Variants in LOC128706665 observed in about 807,000 individuals in gnomAD.
chr20:10,427,980 G>A, the LOC128706665 span, among the ~76,000 whole-genome samples: 10 of 152,192 alleles, frequency 6.6e-5, no homozygotes, highest in Non-Finnish European at 1.3e-4. Flanking sequence ...ACAGGTATGC[G>A]TAAGTATCTT....
chr20:10,414,415 G>A, the LOC128706665 span, among the ~76,000 whole-genome samples: 93 of 152,066 alleles, frequency 6.1e-4, no homozygotes, highest in African/African-American at 2.1e-3. Context: ...ACAGGCATGC[G>A]CCACCATGCC....
the LOC128706665 span, among the ~76,000 whole-genome samples, chr20:10,426,486 G>A: frequency 2.1e-4 from 32 of 152,124 alleles, no homozygotes; most frequent in South Asian, 1.5e-3. Flanking sequence ...GCTCACCTCC[G>A]CATGCCAGAT....
At chr20:10,432,210 A>C in the LOC128706665 span, among the ~76,000 whole-genome samples, 1 of 152,224 alleles carries the variant, frequency 6.6e-6, no homozygotes, top group African/African-American at 2.4e-5. Context: ...CCAGCACTAG[A>C]GTTCCTGTGG....
chr20:10,427,216 A>T, the LOC128706665 span, among the ~76,000 whole-genome samples: 4 of 152,250 alleles, frequency 2.6e-5, no homozygotes, highest in African/African-American at 4.8e-5. Context: ...CTGCAAAATT[A>T]GGCCTAAAAT....
the LOC128706665 span, among the ~76,000 whole-genome samples, chr20:10,425,352 G>C: frequency 6.6e-6 from 1 of 152,132 alleles, no homozygotes; most frequent in African/African-American, 2.4e-5. Context: ...ATGCTTTATT[G>C]CAAAATATGC....
chr20:10,414,022 C>T, the LOC128706665 span: 6 of 388,076 alleles, frequency 1.5e-5, no homozygotes, highest in African/African-American at 1.2e-4. Flanking sequence ...GCTCTGCTGC[C>T]TTTTTAGAAA....
the LOC128706665 span, among the ~76,000 whole-genome samples, chr20:10,417,320 A>G: frequency 6.6e-6 from 1 of 152,006 alleles, no homozygotes. Context: ...TGTTAATCTT[A>G]GCAACACTGG....
chr20:10,427,494 C>T, the LOC128706665 span, among the ~76,000 whole-genome samples: 22 of 152,110 alleles, frequency 1.4e-4, no homozygotes, highest in Non-Finnish European at 1.6e-4. Flanking sequence ...TGTACTATGC[C>T]TTTTCTTTTA....
At chr20:10,424,399 G>GA in the LOC128706665 span, among the ~76,000 whole-genome samples, 41 of 151,840 alleles carry the variant, frequency 2.7e-4, no homozygotes, top group Admixed American at 4.6e-4. Flanking sequence ...TATTTTAAAA[G>GA]AAAAAACATA....
the LOC128706665 span, among the ~76,000 whole-genome samples, chr20:10,424,478 T>A: frequency 6.6e-6 from 1 of 152,116 alleles, no homozygotes; most frequent in Non-Finnish European, 1.5e-5. Flanking sequence ...TAGTGAAAAA[T>A]CTCCAGTACA....
the LOC128706665 span, among the ~76,000 whole-genome samples, chr20:10,423,823 T>G: frequency 6.6e-6 from 1 of 152,254 alleles, no homozygotes. Flanking sequence ...GTATCTATTT[T>G]AACTGAAAAC....
chr20:10,434,113 C>T, the LOC128706665 span: 1 of 152,584 alleles, frequency 6.6e-6, no homozygotes, highest in Non-Finnish European at 1.5e-5. Flanking sequence ...CTCACCTGCG[C>T]ACCAGCCGTC....
At chr20:10,432,619 AC>A in the LOC128706665 span, among the ~76,000 whole-genome samples, 1 of 151,874 alleles carries the variant, frequency 6.6e-6, no homozygotes, top group South Asian at 2.1e-4. Context: ...ATGGCGAAAC[AC>A]CATCTCTACT....
the LOC128706665 span, among the ~76,000 whole-genome samples, chr20:10,427,946 T>C: frequency 6.6e-6 from 1 of 152,098 alleles, no homozygotes; most frequent in South Asian, 2.1e-4. Flanking sequence ...GAGTCAGGAG[T>C]GGATCTGCAG....
At chr20:10,415,680 G>A in the LOC128706665 span, among the ~76,000 whole-genome samples, 48 of 152,242 alleles carry the variant, frequency 3.2e-4, no homozygotes, top group African/African-American at 1.1e-3. Flanking sequence ...TAATTTGCAC[G>A]TTAAAACTTA....
At chr20:10,427,482 A>C in the LOC128706665 span, among the ~76,000 whole-genome samples, 1 of 152,218 alleles carries the variant, frequency 6.6e-6, no homozygotes, top group Non-Finnish European at 1.5e-5. Context: ...GTTTACTGGA[A>C]TTGTACTATG....
At chr20:10,421,150 C>T in the LOC128706665 span, among the ~76,000 whole-genome samples, 31 of 152,054 alleles carry the variant, frequency 2.0e-4, no homozygotes, top group South Asian at 2.1e-4. Context: ...TAATTACAGG[C>T]TGAGGGTGGT....
the LOC128706665 span, among the ~76,000 whole-genome samples, chr20:10,426,227 TCTTGC>T: frequency 1.3e-5 from 2 of 152,252 alleles, no homozygotes; most frequent in Non-Finnish European, 2.9e-5. Flanking sequence ...GTCTTTAAAG[TCTTGC>T]CTAGTACTCT....
the LOC128706665 span, among the ~76,000 whole-genome samples, chr20:10,428,354 A>G: frequency 6.6e-6 from 1 of 152,216 alleles, no homozygotes; most frequent in African/African-American, 2.4e-5. Flanking sequence ...GTGCTACAGC[A>G]AACACTTTAT....
Sources: gnomAD v4.1 joint callset for allele counts (sites outside exome capture counted in the v4.1 genomes callset) on GRCh38, gnomAD v4.1.1 for gene constraint, MANE v1.5 for transcripts.